The following KLC1 variants were observed in gnomAD, a reference collection of about 807,000 sequenced individuals.
The protein encoded by KLC1 is kinesin 2 60/70kDa.
KLC1 carries 30 observed loss-of-function variants against 84.2 expected under a neutral mutation model. The ratio of observed to expected loss-of-function variants is 0.36; its 90% confidence interval spans 0.27 to 0.48. KLC1 has a LOEUF of 0.48. Among genes scored for constraint, KLC1 ranks in the 20% least tolerant of loss-of-function variants. The probability of loss-of-function intolerance (pLI) is 0.99; values close to 1 mark genes in which losing one functional copy is unlikely to be tolerated. For synonymous variants in KLC1, 289 were observed against 293.3 expected (o/e 0.99, Z 0.15); for missense variants, 499 against 805.4 (o/e 0.62, Z 4.60).
At position 103,692,383 on chromosome 14, in the gene KLC1, T is replaced by A; in HGVS notation, c.1806T>A (p.Asn602Lys). 2 of 1,536,762 alleles carry A rather than the reference T, an allele frequency of 1.3e-6. No individual in the cohort carries two copies. The highest frequency in any genetic ancestry group is 1.7e-6 in the Non-Finnish European group (2 of 1,147,050). The stretch of plus-strand genomic sequence containing the variant: ...GCATGAAGCGTGCCAGCTCTCTGAA[T>A]GTCCTTAACGTGGGTGGCAAGGCTG... ...NPGMKRASSL[N>K]VLNVGGKAAE... is the part of the protein sequence containing the mutation. The change falls in exon 15 of 17, where the codon AAT becomes AAA. Residue 602 changes from asparagine (N) to lysine (K), a missense_variant. By Grantham distance (94) the Asn-to-Lys change is moderately conservative. Around this residue, in one of 3 missense-constraint regions of KLC1, gnomAD observed 167 missense variants for 208.8 expected, o/e 0.80. Coordinates refer to ENST00000334553, the MANE Select transcript of KLC1 (RefSeq NM_001394837.1).
chr14:103,649,619 A>G lies in KLC1; in HGVS notation c.-1-4945A>G, dbSNP rs149006382. On this transcript the variant is annotated intron_variant, in intron 1 of 16. Transcript: ENST00000334553. ...AGGTTTACTTGAATCCTGAGACTTT[A>G]AATTTAGTAGACTGTAATAGCTTTG... Among the ~76,000 whole-genome samples the G allele has an allele frequency of 3.3e-5, 5 of 151,122 alleles. No homozygotes were observed. The East Asian group carries it at 9.7e-4, about 29-fold the overall frequency.
chr14:103,631,359 C>T (rs573708084), intron 1 of KLC1, among the ~76,000 whole-genome samples: 2 of 151,960 alleles, frequency 1.3e-5, no homozygotes, highest in South Asian at 2.1e-4. Flanking sequence ...GGATTACAGG[C>T]GTGAGCCACC....
At chr14:103,680,597 G>A (rs1483776295) in intron 13 of KLC1, among the ~76,000 whole-genome samples, 2 of 152,212 alleles carry the variant, frequency 1.3e-5, no homozygotes, top group Non-Finnish European at 2.9e-5. Context: ...CTATCTGGCA[G>A]CTTTCTTGCT....
chr14:103,632,348 C>T (rs745796132), intron 1 of KLC1, among the ~76,000 whole-genome samples: 1 of 151,952 alleles, frequency 6.6e-6, no homozygotes, highest in Non-Finnish European at 1.5e-5. Context: ...ATCGCTTGAA[C>T]CGGGAAGTGG....
chr14:103,681,821 A>T (rs1386946090), intron 13 of KLC1, among the ~76,000 whole-genome samples: 1 of 152,192 alleles, frequency 6.6e-6, no homozygotes, highest in Non-Finnish European at 1.5e-5. Flanking sequence ...TTTGAGGGAT[A>T]ATTAGAGACA....
intron 1 of KLC1, among the ~76,000 whole-genome samples, chr14:103,637,331 A>G (rs1289296379): frequency 1.3e-5 from 2 of 151,784 alleles, no homozygotes; most frequent in Non-Finnish European, 2.9e-5. Context: ...GGAGTTTGAG[A>G]CTACCCTGGC....
chr14:103,673,019 G>C lies in KLC1; in HGVS notation c.993G>C (p.Leu331Phe). The C allele has an allele frequency of 6.2e-7, 1 of 1,613,752 alleles. No homozygotes were observed. Among genetic ancestry groups the C allele is most frequent in the Non-Finnish European group, 8.5e-7 (1 of 1,179,850 alleles). Reference protein sequence around the residue: ...KRALEIREKVLGKDHPDVAKQ... With the variant: ...KRALEIREKVFGKDHPDVAKQ... The stretch of plus-strand genomic sequence containing the variant: ...ATGCTGTTTTTTATTTTCAGGTTTT[G>C]GGGAAGGATCACCCCGATGTTGCCA... The change falls in exon 8 of 17, where the codon TTG becomes TTC. Residue 331 changes from leucine (L) to phenylalanine (F), a missense_variant. Transcript: ENST00000334553.
At chr14:103,686,973 C>A in intron 13 of KLC1, 108 bp from the exon 14 acceptor site, 1 of 698,412 alleles carries the variant, frequency 1.4e-6, no homozygotes, top group Non-Finnish European at 2.3e-6. Context: ...CAGTGAGCTG[C>A]TGGCAAGCAG....
chr14:103,662,087 T>C (rs373634208), intron 3 of KLC1, 29 bp from the exon 4 acceptor site: 43 of 1,509,132 alleles, frequency 2.8e-5, no homozygotes, highest in Non-Finnish European at 3.5e-5. Context: ...ACGTGTAAGA[T>C]GAAGTGTTGT....
intron 1 of KLC1, among the ~76,000 whole-genome samples, chr14:103,647,280 G>T (rs1311300028): frequency 6.6e-6 from 1 of 151,866 alleles, no homozygotes; most frequent in Admixed American, 6.6e-5. Context: ...CTGGAGTGCA[G>T]TGGCAGGATC....
chr14:103,699,243 C>T (rs2082881512), intron 15 of KLC1: 8 of 1,540,698 alleles, frequency 5.2e-6, no homozygotes, highest in East Asian at 2.4e-5. Context: ...TAGGCACAGG[C>T]TGCTACCCGC....
chr14:103,640,120 G>C (rs982354335), intron 1 of KLC1, among the ~76,000 whole-genome samples: 1 of 152,070 alleles, frequency 6.6e-6, no homozygotes, highest in Non-Finnish European at 1.5e-5. Flanking sequence ...GAGTGCAGTG[G>C]CACGATCTTG....
At chr14:103,631,674 T>C (rs2151236965) in intron 1 of KLC1, among the ~76,000 whole-genome samples, 1 of 152,258 alleles carries the variant, frequency 6.6e-6, no homozygotes, top group South Asian at 2.1e-4. Context: ...CCCCGCTCAC[T>C]GCAACCTCCG....
intron 13 of KLC1, among the ~76,000 whole-genome samples, chr14:103,680,372 T>C (rs1455858952): frequency 6.6e-6 from 1 of 152,034 alleles, no homozygotes; most frequent in Admixed American, 6.5e-5. Flanking sequence ...AGGGGCACAG[T>C]TGGTTTTTTG....
intron 1 of KLC1, among the ~76,000 whole-genome samples, chr14:103,646,379 C>T (rs758287411): frequency 4.6e-4 from 70 of 152,138 alleles, no homozygotes; most frequent in Non-Finnish European, 1.8e-4. Context: ...ATAGCTCACG[C>T]AGCCTTGAAC....
At chr14:103,630,925 A>G (rs576521890) in intron 1 of KLC1, among the ~76,000 whole-genome samples, 1 of 152,188 alleles carries the variant, frequency 6.6e-6, no homozygotes, top group South Asian at 2.1e-4. Flanking sequence ...CTCTAACCCT[A>G]CTGCAGCCTT....
intron 1 of KLC1, among the ~76,000 whole-genome samples, chr14:103,634,084 G>A (rs374211211): frequency 1.8e-3 from 270 of 152,160 alleles, no homozygotes; most frequent in South Asian, 0.012. Flanking sequence ...GGCCAGGCTG[G>A]TCTCGAACTC....
intron 9 of KLC1, 54 bp downstream of exon 9, chr14:103,673,485 A>T: frequency 5.1e-5 from 54 of 1,063,646 alleles, no homozygotes; most frequent in Non-Finnish European, 7.0e-5. Flanking sequence ...GACTTGACTA[A>T]TAGTAATATA....
At chr14:103,696,581 T>C in intron 15 of KLC1, 1 of 985,468 alleles carries the variant, frequency 1.0e-6, no homozygotes, top group Non-Finnish European at 1.2e-6. Flanking sequence ...TACGCTGTGG[T>C]CAGATTTCTG....
Sources: allele counts gnomAD v4.1 joint callset (sites outside exome capture counted in the v4.1 genomes callset), GRCh38; gene constraint gnomAD v4.1.1; regional missense constraint gnomAD v4.1.1; transcripts MANE v1.5; gene names NCBI Gene and HGNC (gene_info 2026-07-23, HGNC 2026-07-21).